The following LCN1 variants were observed in gnomAD, a reference collection of about 807,000 sequenced individuals.
LCN1 encodes the protein lipocalin 1.
A neutral mutation model predicts 22.3 loss-of-function variants in LCN1; 25 were observed. The ratio of observed to expected loss-of-function variants is 1.12; its 90% CI spans 0.82 to 1.56. The LOEUF is 1.56. Among genes scored for constraint, LCN1 ranks in the 40% most tolerant of loss-of-function variants. LCN1 has a pLI of 0.00. For missense variants in LCN1, 219 were observed against 235.6 expected (o/e 0.93, Z 0.46); for synonymous variants, 85 against 97.6 (o/e 0.87, Z 0.76).
rs777322058 is a variant in LCN1 at position 135,523,185 on chromosome 9, G to A, written c.222-47G>A. Reference sequence around the variant, plus strand: ...GCAGCATGGTTGCTCCAGGGCCGGGGGAGGCACAGGCCAGGGCCGCTTTGC... The same window carrying A: ...GCAGCATGGTTGCTCCAGGGCCGGGAGAGGCACAGGCCAGGGCCGCTTTGC... On this transcript the variant is annotated intron_variant, in intron 2 of 6. Coordinates refer to ENST00000371781, the MANE Select transcript of LCN1 (RefSeq NM_002297.4). The A allele has an allele frequency of 1.5e-5, 24 of 1,571,138 alleles. No homozygotes were observed. In the East Asian group the frequency reaches 1.6e-4, roughly 10 times the overall value.
Position 135,525,159 on chromosome 9 carries a change from G to T in LCN1, c.*1+1G>T. The T allele has an allele frequency of 6.2e-7, 1 of 1,613,524 alleles. No homozygotes were observed. The highest frequency in any genetic ancestry group is 8.5e-7 in the Non-Finnish European group (1 of 1,179,694). Reference sequence around the variant, plus strand: ...ACCTGCTCTCCAGGGAGCGATTAGGGTGAGTGAACAGCTTTAGAGGACATT... The same window carrying T: ...ACCTGCTCTCCAGGGAGCGATTAGGTTGAGTGAACAGCTTTAGAGGACATT... On this transcript the variant is annotated splice_donor_variant, in intron 6 of 6. Coordinates refer to ENST00000371781, the MANE Select transcript of LCN1 (RefSeq NM_002297.4). LOFTEE classifies it low-confidence loss of function (3UTR_SPLICE).
In LCN1 at chr9:135,525,229, T is replaced by C. The variant is rs375850738; in HGVS notation, c.*1+71T>C. Reference sequence around the variant, plus strand: ...GGCTCAGTGGTGCTTCCAGAGGCCATGGGGTCTCTCCCACCCATCCCACTC... The same window carrying C: ...GGCTCAGTGGTGCTTCCAGAGGCCACGGGGTCTCTCCCACCCATCCCACTC... On this transcript the variant is annotated intron_variant, in intron 6 of 6. Transcript: ENST00000371781. 3.8e-4 allele frequency: 554 copies of C among 1,471,420 alleles called. 2 individuals are homozygous for C. In the Middle Eastern group the frequency reaches 4.7e-3, roughly 13 times the overall value. The allele number at this position is 1,471,420 out of a possible 1,614,324, so 91.1% of individuals were successfully genotyped here. A position where few individuals can be genotyped will look rare whatever the true frequency, so the allele number is the denominator to read the frequency against.
rs1368617365 is a variant in LCN1, at chr9:135,522,034, G to A, written c.91-13G>A. 1.3e-6 allele frequency: 2 copies of A among 1,590,760 alleles called. No homozygotes were observed. ...CAGTCGGCCTGAGCCTGATAGAGAG[G>A]GGCCTTCTCCAGGTGTCAGGGACGT... is the stretch of plus-strand genomic sequence containing the variant. On this transcript the variant is annotated splice_polypyrimidine_tract_variant and intron_variant, in intron 1 of 6. Transcript: ENST00000371781.
Position 135,523,246 on chromosome 9 carries a change from G to T in LCN1, c.236G>T (p.Cys79Phe). The T allele has an allele frequency of 6.2e-7, 1 of 1,612,346 alleles. No homozygotes were observed. Among genetic ancestry groups the T allele is most frequent in the South Asian group, 1.1e-5 (1 of 90,940 alleles). Residue 79 changes from cysteine to phenylalanine, a missense_variant, in exon 3 of 7, where the codon TGC becomes TTC. Transcript: ENST00000371781. ...CTGTTTTCCAGGATAAGTGGCCGGT[G>T]CCAGGAGGTGAAGGCCGTCCTGGAG... ...AKVTMLISGR[C>F]QEVKAVLEKT...
intron 6 of LCN1, 33 bp from the exon 7 acceptor site, chr9:135,526,311 T>A: frequency 9.7e-7 from 1 of 1,026,248 alleles, no homozygotes; most frequent in Non-Finnish European, 1.2e-6. Flanking sequence ...ACCCTTGCTG[T>A]CCTGGCCTCA....
chr9:135,525,088 G>C, intron 5 of LCN1, 44 bp from the exon 6 acceptor site: 1 of 1,607,104 alleles, frequency 6.2e-7, no homozygotes, highest in Non-Finnish European at 8.5e-7. Flanking sequence ...GGTCCTGACT[G>C]CATTCCTGGG....
chr9:135,522,657 G>A lies in LCN1; in HGVS notation c.221+480G>A, dbSNP rs143501807. On this transcript the variant is annotated intron_variant, in intron 2 of 6. Coordinates refer to ENST00000371781, the MANE Select transcript of LCN1 (RefSeq NM_002297.4). ...GCTCTCACCTGGGCTGCTTCCACCC[G>A]CGTGGCTCACATCTGTGACTTCCCA... 2.3e-3 allele frequency among the ~76,000 whole-genome samples: 356 copies of A among 152,282 alleles called. 1 individual carries two copies. Among genetic ancestry groups the A allele is most frequent in the Middle Eastern group, 0.01 (3 of 294 alleles).
In LCN1 at chr9:135,524,838, C is replaced by A. The variant is rs1030244517; in HGVS notation, c.412C>A (p.Pro138Thr). ...VRGVKLVGRD[P>T]KNNLEALEDF... ...CGTCCTGGCACCCACAGGCAGAGAC[C>A]CCAAGAACAACCTGGAAGCCTTGGA... The change falls in exon 5 of 7, where the codon CCC (proline) becomes ACC (threonine). Residue 138 changes from proline (P) to threonine (T), a missense_variant. Pro to Thr is a conservative substitution (Grantham distance 38, BLOSUM62 -1). Coordinates refer to ENST00000371781, the MANE Select transcript of LCN1 (RefSeq NM_002297.4). The A allele has an allele frequency of 1.9e-6, 3 of 1,603,480 alleles. No individual in the cohort carries two copies. The highest frequency in any genetic ancestry group is 2.3e-5 in the East Asian group (1 of 44,046).
Position 135,523,285 on chromosome 9 carries a change from C to A in LCN1, c.275C>A (p.Pro92Gln). The A allele has an allele frequency of 1.2e-6, 2 of 1,613,034 alleles. No individual in the cohort carries two copies. The highest frequency in any genetic ancestry group is 1.7e-6 in the Non-Finnish European group (2 of 1,179,746). Reference protein sequence around the residue: ...VKAVLEKTDEPGKYTADGGKH... With the variant: ...VKAVLEKTDEQGKYTADGGKH... ...GCCGTCCTGGAGAAAACTGACGAGC[C>A]GGGAAAATACACGGCCGGTGAGTCC... Residue 92 changes from proline (P) to glutamine (Q), a missense_variant, in exon 3 of 7, where the codon CCG (proline) becomes CAG (glutamine). Transcript: ENST00000371781.
Position 135,523,229 on chromosome 9 carries a change from C to T in LCN1, c.222-3C>T. 1 of 1,611,450 alleles carries T rather than the reference C, an allele frequency of 6.2e-7. No homozygotes were observed. Among genetic ancestry groups the T allele is most frequent in the East Asian group, 2.2e-5 (1 of 44,872 alleles). ...GCTTTGCCAGGGGGCTTCTGTTTTC[C>T]AGGATAAGTGGCCGGTGCCAGGAGG... On this transcript the variant is annotated splice_polypyrimidine_tract_variant and splice_region_variant and intron_variant, in intron 2 of 6. Coordinates refer to ENST00000371781, the MANE Select transcript of LCN1 (RefSeq NM_002297.4).
intron 4 of LCN1, 111 bp from the exon 5 acceptor site, chr9:135,524,719 C>G (rs55773005): frequency 8.8e-6 from 7 of 795,186 alleles, no homozygotes; most frequent in Non-Finnish European, 1.0e-5. Context: ...CAATTCCCCC[C>G]ACGGTGGGCG....
chr9:135,525,944 A>G lies in LCN1; in HGVS notation c.*2-400A>G, dbSNP rs187584931. 7.8e-3 allele frequency among the ~76,000 whole-genome samples: 935 copies of G among 119,890 alleles called. 27 individuals are homozygous for G. Among genetic ancestry groups the G allele is most frequent in the East Asian group, 0.029 (100 of 3,488 alleles). The allele number at this position is 119,890 out of a possible 152,430, so 78.7% of individuals were successfully genotyped here. A position where few individuals can be genotyped will look rare whatever the true frequency, so the allele number is the denominator to read the frequency against. On this transcript the variant is annotated intron_variant, in intron 6 of 6. Transcript: ENST00000371781. ...CTGAGATCCAGCACGTGCCCCCGCAACCATCGCCCCCGAGAGCCCGCATGT... is the reference window on the plus strand; with the variant it reads ...CTGAGATCCAGCACGTGCCCCCGCAGCCATCGCCCCCGAGAGCCCGCATGT...
chr9:135,525,623 C>A (rs780329248), intron 6 of LCN1, among the ~76,000 whole-genome samples: 1 of 152,092 alleles, frequency 6.6e-6, no homozygotes, highest in Non-Finnish European at 1.5e-5. Context: ...GAGACTCGCC[C>A]AAGGTCACCT....
chr9:135,521,656 A>G lies in LCN1; in HGVS notation c.90+69A>G, dbSNP rs562674837. On this transcript the variant is annotated intron_variant, in intron 1 of 6. Transcript: ENST00000371781. ...GAGGCTGAGACTGGATGGAGACCCC[A>G]TGCCTCCTCCATCCAAGGAGACCCT... 6 of 1,335,184 alleles carry G rather than the reference A, an allele frequency of 4.5e-6. No homozygotes were observed. In the East Asian group the frequency reaches 1.5e-4, roughly 33 times the overall value. The allele number at this position is 1,335,184 out of a possible 1,614,324, so 82.7% of individuals were successfully genotyped here. A position where few individuals can be genotyped will look rare whatever the true frequency, so the allele number is the denominator to read the frequency against.
chr9:135,522,202 C>A (rs1411901641), intron 2 of LCN1, 25 bp downstream of exon 2: 1 of 1,601,604 alleles, frequency 6.2e-7, no homozygotes, highest in South Asian at 1.1e-5. Flanking sequence ...GCCGGCCGGG[C>A]AGCCTGCAAC....
chr9:135,524,679 C>T, intron 4 of LCN1, 151 bp from the exon 5 acceptor site: 2 of 625,282 alleles, frequency 3.2e-6, no homozygotes, highest in Non-Finnish European at 5.6e-6. Context: ...CACCCTGGTC[C>T]CACTTTGCCA....
At chr9:135,525,324 G>A (rs1057406508) in intron 6 of LCN1, among the ~76,000 whole-genome samples, 166 bp downstream of exon 6, 1 of 152,114 alleles carries the variant, frequency 6.6e-6, no homozygotes, top group Admixed American at 6.5e-5. Flanking sequence ...GCCCACGCTC[G>A]GGCGTCAGAC....
At chr9:135,523,518 G>A (rs1239052643) in intron 3 of LCN1, among the ~76,000 whole-genome samples, 5 of 152,242 alleles carry the variant, frequency 3.3e-5, no homozygotes, top group African/African-American at 9.6e-5. Context: ...GTCCCGGGGC[G>A]GACCCTCTGG....
At chr9:135,526,138 GC>G (rs1201259960) in intron 6 of LCN1, among the ~76,000 whole-genome samples, 1 of 76,658 alleles carries the variant, frequency 1.3e-5, no homozygotes. Context: ...AGCCTGCTGT[GC>G]CCCCCACACC....
Sources: allele counts gnomAD v4.1 joint callset (sites outside exome capture counted in the v4.1 genomes callset), GRCh38; gene constraint gnomAD v4.1.1; transcripts MANE v1.5; gene names NCBI Gene and HGNC (gene_info 2026-07-23, HGNC 2026-07-21).